C14orf132: variants seen among roughly 807,000 people sequenced by gnomAD.
C14orf132 encodes uncharacterized protein C14orf132.
In C14orf132, 6 loss-of-function variants were observed where a neutral mutation model predicts 5.8. The observed-to-expected ratio is 1.03, with a 90% CI of 0.57 to 2.04. C14orf132 has a LOEUF of 2.04. Ranked by LOEUF, C14orf132 falls within the 30% of genes most tolerant of loss-of-function variation. The pLI, the probability that C14orf132 is intolerant of heterozygous loss-of-function variation, is 0.00. For synonymous variants in C14orf132, 51 were observed against 49.8 expected (o/e 1.02, Z -0.10); for missense variants, 125 against 115.8 (o/e 1.08, Z -0.37).
intron 1 of C14orf132, among the ~76,000 whole-genome samples, chr14:96,048,716 G>T (rs1886907466): frequency 6.6e-6 from 1 of 151,956 alleles, no homozygotes; most frequent in African/African-American, 2.4e-5. Flanking sequence ...AGTGGAGATG[G>T]GGTTTTACCA....
At chr14:96,044,388 C>T (rs1442646249) in intron 1 of C14orf132, among the ~76,000 whole-genome samples, 5 of 152,156 alleles carry the variant, frequency 3.3e-5, no homozygotes, top group African/African-American at 1.2e-4. Context: ...TTATATTGCC[C>T]AGGCAGGTCT....
At chr14:96,057,500 C>G (rs1887217703) in intron 1 of C14orf132, among the ~76,000 whole-genome samples, 2 of 152,184 alleles carry the variant, frequency 1.3e-5, no homozygotes, top group Admixed American at 1.3e-4. Context: ...GCTGGAGCTG[C>G]CTGTCACTCT....
intron 1 of C14orf132, among the ~76,000 whole-genome samples, chr14:96,085,115 C>G (rs981645025): frequency 6.6e-6 from 1 of 152,236 alleles, no homozygotes; most frequent in Non-Finnish European, 1.5e-5. Flanking sequence ...TGGCCTTGAC[C>G]TCTGCTTATC....
At chr14:96,070,513 C>A (rs1056791745) in intron 1 of C14orf132, among the ~76,000 whole-genome samples, 1 of 151,722 alleles carries the variant, frequency 6.6e-6, no homozygotes, top group Non-Finnish European at 1.5e-5. Flanking sequence ...ACACTTGAAG[C>A]ATGTCCCAGG....
At chr14:96,070,642 C>T (rs1028347839) in intron 1 of C14orf132, among the ~76,000 whole-genome samples, 2 of 150,510 alleles carry the variant, frequency 1.3e-5, no homozygotes, top group Non-Finnish European at 3.0e-5. Context: ...ACTGCACTGA[C>T]CCCTTCTACT....
At chr14:96,074,548 G>T (rs1887804153) in intron 1 of C14orf132, among the ~76,000 whole-genome samples, 3 of 145,454 alleles carry the variant, frequency 2.1e-5, no homozygotes, top group African/African-American at 2.5e-5. Context: ...TAAGGCATGA[G>T]TTTTTTTTTT....
chr14:96,064,367 C>T (rs1179888135), intron 1 of C14orf132, among the ~76,000 whole-genome samples: 8 of 144,190 alleles, frequency 5.5e-5, no homozygotes, highest in African/African-American at 1.7e-4. Flanking sequence ...CATATATACA[C>T]ACACACACAC....
intron 1 of C14orf132, among the ~76,000 whole-genome samples, chr14:96,053,321 C>T (rs1887083241): frequency 6.6e-6 from 1 of 152,198 alleles, no homozygotes; most frequent in Admixed American, 6.5e-5. Flanking sequence ...CACTAAATTC[C>T]CTGCTCTCGC....
rs752703679 is a variant in C14orf132 at position 96,086,632 on chromosome 14, A to T, written c.149A>T (p.Asp50Val). The T allele has an allele frequency of 9.0e-5, 138 of 1,536,120 alleles. No individual in the cohort carries two copies. The highest frequency in any genetic ancestry group is 1.2e-4 in the Non-Finnish European group (135 of 1,146,914). Reference protein sequence around the residue: ...AAANGQGQPEDPPRSSNDAVL... With the variant: ...AAANGQGQPEVPPRSSNDAVL... ...GCCAATGGCCAGGGCCAGCCGGAAG[A>T]TCCTCCTCGGTCCTCCAACGACGCC... Residue 50 changes from aspartate (D) to valine (V), a missense_variant, in exon 2 of 2, where the codon GAT becomes GTT. Physicochemically the swap from Asp to Val is radical, Grantham distance 152. Transcript: ENST00000555004.
At chr14:96,076,272 C>T (rs1455952971) in intron 1 of C14orf132, among the ~76,000 whole-genome samples, 1 of 152,082 alleles carries the variant, frequency 6.6e-6, no homozygotes. Flanking sequence ...GTGGCAATAT[C>T]CCTTTTCCAT....
chr14:96,079,369 T>A (rs574145956), intron 1 of C14orf132, among the ~76,000 whole-genome samples: 104 of 152,358 alleles, frequency 6.8e-4, no homozygotes, highest in African/African-American at 2.3e-3. Flanking sequence ...GCTCTTATAA[T>A]GAATCCCAAC....
intron 1 of C14orf132, among the ~76,000 whole-genome samples, chr14:96,056,155 C>T (rs1887177146): frequency 1.3e-5 from 2 of 152,166 alleles, no homozygotes; most frequent in African/African-American, 4.8e-5. Context: ...CTAGCTGCTC[C>T]CCAGAGGGAA....
At chr14:96,077,851 G>A (rs2139676652) in intron 1 of C14orf132, among the ~76,000 whole-genome samples, 1 of 152,316 alleles carries the variant, frequency 6.6e-6, no homozygotes, top group Non-Finnish European at 1.5e-5. Context: ...ACATGGCAGG[G>A]GTTTGCACCA....
intron 1 of C14orf132, among the ~76,000 whole-genome samples, chr14:96,084,555 T>C (rs1311395168): frequency 6.6e-6 from 1 of 152,270 alleles, no homozygotes; most frequent in East Asian, 1.9e-4. Context: ...CTTATAATTG[T>C]ATTTTTAGCA....
At chr14:96,063,814 T>A (rs1447489898) in intron 1 of C14orf132, among the ~76,000 whole-genome samples, 3 of 152,038 alleles carry the variant, frequency 2.0e-5, no homozygotes, top group Non-Finnish European at 2.9e-5. Context: ...ATCTTCACTA[T>A]CTATACATCT....
intron 1 of C14orf132, among the ~76,000 whole-genome samples, chr14:96,064,840 A>T (rs1028990670): frequency 6.6e-6 from 1 of 152,114 alleles, no homozygotes; most frequent in Admixed American, 6.5e-5. Flanking sequence ...TAAAAAAATT[A>T]AAAAATAAAA....
chr14:96,075,329 C>T (rs189890891), intron 1 of C14orf132, among the ~76,000 whole-genome samples: 149 of 152,248 alleles, frequency 9.8e-4, no homozygotes, highest in Non-Finnish European at 6.2e-4. Flanking sequence ...TCTGTATAGA[C>T]AATCATTTCT....
chr14:96,052,442 A>G (rs1407604844), intron 1 of C14orf132, among the ~76,000 whole-genome samples: 1 of 152,242 alleles, frequency 6.6e-6, no homozygotes, highest in Non-Finnish European at 1.5e-5. Flanking sequence ...GCTCACCATC[A>G]GGGCATCCCT....
chr14:96,090,414 A>G lies in C14orf132; in HGVS notation c.*3679A>G, dbSNP rs1362661016. ...TCAAAAAAAAAAAAAAAGAAAAGAA[A>G]AAAAAAAAGAGCAACTTACTGCTTT... is the stretch of plus-strand genomic sequence containing the variant. On this transcript the variant is annotated 3_prime_UTR_variant, in exon 2 of 2. Transcript: ENST00000555004. 7 of 288,758 alleles carry G rather than the reference A, an allele frequency of 2.4e-5. No individual in the cohort carries two copies. Among genetic ancestry groups the G allele is most frequent in the Middle Eastern group, 1.2e-3 (1 of 858 alleles). 17.9% of individuals were successfully genotyped at this position (288,758 alleles called of 1,614,324 possible).
Sources: allele counts gnomAD v4.1 joint callset (sites outside exome capture counted in the v4.1 genomes callset), GRCh38; gene constraint gnomAD v4.1.1; transcripts MANE v1.5; gene names NCBI Gene and HGNC (gene_info 2026-07-23, HGNC 2026-07-21).